Variants in USP48 observed in about 807,000 individuals in gnomAD.
USP48 encodes ubiquitin carboxyl-terminal hydrolase 48.
USP48 carries 43 observed loss-of-function variants against 150.7 expected under a neutral mutation model. That is an observed-to-expected ratio of 0.29 (90% confidence interval 0.22 to 0.37). The LOEUF is 0.37. Among genes scored for constraint, USP48 ranks in the 10% least tolerant of loss-of-function variants. The probability of loss-of-function intolerance (pLI) is 1.00; values close to 1 mark genes in which losing one functional copy is unlikely to be tolerated. For synonymous variants in USP48, 396 were observed against 425.9 expected, an observed-to-expected ratio of 0.93 and a Z score of 0.86; for missense variants, 813 against 1,249.6, an observed-to-expected ratio of 0.65 and a Z score of 5.27.
At chr1:21,722,191 A>G (rs1482449007) in intron 12 of USP48, among the ~76,000 whole-genome samples, 4 of 151,920 alleles carry the variant, frequency 2.6e-5, no homozygotes, top group Admixed American at 2.6e-4. Flanking sequence ...AACACAAAGA[A>G]GTTTTAGGAA....
At chr1:21,699,683 T>G (rs1335875442) in intron 22 of USP48, among the ~76,000 whole-genome samples, 1 of 150,918 alleles carries the variant, frequency 6.6e-6, no homozygotes, top group Non-Finnish European at 1.5e-5. Context: ...CCGGCTAATT[T>G]TTTTTGTATT....
intron 22 of USP48, among the ~76,000 whole-genome samples, chr1:21,699,680 ATT>A (rs1024798255): frequency 2.0e-5 from 3 of 150,216 alleles, no homozygotes; most frequent in Non-Finnish European, 3.0e-5. Context: ...CGCCCGGCTA[ATT>A]TTTTTTGTAT....
intron 1 of USP48, among the ~76,000 whole-genome samples, chr1:21,774,776 G>C (rs1392754249): frequency 6.6e-6 from 1 of 151,876 alleles, no homozygotes; most frequent in Non-Finnish European, 1.5e-5. Context: ...CAGATCACCT[G>C]AAGTTAGGAG....
intron 9 of USP48, among the ~76,000 whole-genome samples, chr1:21,733,152 A>C (rs2097760946): frequency 6.6e-6 from 1 of 152,118 alleles, no homozygotes; most frequent in African/African-American, 2.4e-5. Context: ...ATGGTGGCTC[A>C]CGCCTGTAAT....
At chr1:21,731,710 G>A (rs1025372317) in intron 9 of USP48, among the ~76,000 whole-genome samples, 25 of 151,874 alleles carry the variant, frequency 1.6e-4, no homozygotes, top group African/African-American at 5.8e-4. Context: ...GTAAAAGCCC[G>A]TATCTACTAA....
rs1302770031 is a variant in USP48, at chr1:21,717,265, G to A, written c.1895-1808C>T. ...CAAAAAGTACAAAAATTATCTGGGCGTGGTGGCACGCACCTGGGGTCCCAG... is the reference window on the plus strand; with the variant it reads ...CAAAAAGTACAAAAATTATCTGGGCATGGTGGCACGCACCTGGGGTCCCAG... On this transcript the variant is annotated intron_variant, in intron 14 of 26. Coordinates refer to ENST00000308271, the MANE Select transcript of USP48 (RefSeq NM_032236.8). Among the ~76,000 whole-genome samples, 4 of 151,306 alleles carry A rather than the reference G, an allele frequency of 2.6e-5. No homozygotes were observed. The East Asian group carries it at 5.9e-4, about 22-fold the overall frequency.
At chr1:21,724,384 C>G in intron 11 of USP48, 1 of 573,182 alleles carries the variant, frequency 1.7e-6, no homozygotes, top group Non-Finnish European at 3.1e-6. Context: ...TAGAGTCTTG[C>G]CGAATAGCAC....
intron 24 of USP48, 86 bp from the exon 25 acceptor site, chr1:21,687,325 T>C (rs1031550274): frequency 4.0e-6 from 5 of 1,265,032 alleles, no homozygotes; most frequent in Admixed American, 2.0e-5. Flanking sequence ...ACTACTGATA[T>C]TGCTATAAGA....
intron 5 of USP48, among the ~76,000 whole-genome samples, chr1:21,751,952 A>G (rs952934643): frequency 3.4e-5 from 5 of 147,856 alleles, no homozygotes; most frequent in African/African-American, 1.2e-4. Context: ...TGGGAGGCAG[A>G]GGTTGCAGTG....
intron 23 of USP48, among the ~76,000 whole-genome samples, chr1:21,693,276 T>C (rs2097608894): frequency 6.6e-6 from 1 of 152,178 alleles, no homozygotes; most frequent in Non-Finnish European, 1.5e-5. Context: ...GGTGGATGAA[T>C]TACTGATTAG....
At chr1:21,758,607 G>A (rs561668433) in intron 1 of USP48, among the ~76,000 whole-genome samples, 6 of 151,792 alleles carry the variant, frequency 4.0e-5, no homozygotes, top group South Asian at 2.1e-4. Flanking sequence ...AAAATTAGCC[G>A]GGCGTGGCGG....
intron 12 of USP48, 54 bp downstream of exon 12, chr1:21,723,844 G>T: frequency 6.7e-7 from 1 of 1,485,048 alleles, no homozygotes. Flanking sequence ...AAGACCATAA[G>T]ATGAAGATTT....
chr1:21,735,465 G>A (rs1312263265), intron 9 of USP48, among the ~76,000 whole-genome samples: 3 of 152,152 alleles, frequency 2.0e-5, no homozygotes, highest in Non-Finnish European at 4.4e-5. Context: ...ATTTTTGCCA[G>A]GTTGGCCGGG....
intron 1 of USP48, among the ~76,000 whole-genome samples, chr1:21,780,213 A>C (rs2097910975): frequency 6.6e-6 from 1 of 152,244 alleles, no homozygotes; most frequent in Non-Finnish European, 1.5e-5. Flanking sequence ...ATAAAATGGA[A>C]TACTACTCAG....
At chr1:21,686,749 G>A (rs2097581134) in intron 25 of USP48, 1 of 166,794 alleles carries the variant, frequency 6.0e-6, no homozygotes, top group South Asian at 1.5e-4. Context: ...CCCATCTGAG[G>A]TCCAGGTGGA....
At chr1:21,701,747 GA>G (rs2097657657) in intron 21 of USP48, 145 bp from the exon 22 acceptor site, 1 of 614,248 alleles carries the variant, frequency 1.6e-6, no homozygotes, top group Non-Finnish European at 2.9e-6. Context: ...AGTGGATCAA[GA>G]ATCAAGCCTT....
At chr1:21,711,452 G>A (rs2097689938) in intron 15 of USP48, among the ~76,000 whole-genome samples, 1 of 152,122 alleles carries the variant, frequency 6.6e-6, no homozygotes, top group African/African-American at 2.4e-5. Flanking sequence ...TAAGGCCCCT[G>A]AACAGGGGAC....
intron 9 of USP48, among the ~76,000 whole-genome samples, chr1:21,732,254 G>A (rs969703520): frequency 2.2e-5 from 3 of 135,438 alleles, no homozygotes; most frequent in Non-Finnish European, 3.3e-5. Context: ...ACTCCAGCCT[G>A]GGCGACACAG....
At chr1:21,699,769 G>C (rs2097649755) in intron 22 of USP48, among the ~76,000 whole-genome samples, 1 of 151,662 alleles carries the variant, frequency 6.6e-6, no homozygotes, top group Non-Finnish European at 1.5e-5. Context: ...ACCCGCCTCG[G>C]CCTTCCAAAA....
Sources: gnomAD v4.1 joint callset for allele counts (sites outside exome capture counted in the v4.1 genomes callset) on GRCh38, gnomAD v4.1.1 for gene constraint, MANE v1.5 for transcripts, NCBI Gene and HGNC (gene_info 2026-07-23, HGNC 2026-07-21) for gene names.